The following GMDS variants were observed in gnomAD, a reference collection of about 807,000 sequenced individuals.
GMDS encodes the protein GDP-mannose 4,6 dehydratase.
GMDS carries 20 observed loss-of-function variants against 49.9 expected under a neutral mutation model. The ratio of observed to expected loss-of-function variants is 0.40; its 90% CI spans 0.28 to 0.58. The LOEUF (loss-of-function observed/expected upper bound fraction) is 0.58, where lower values mean the gene tolerates loss of function less well. Among genes scored for constraint, GMDS ranks in the 20% least tolerant of loss-of-function variants. The pLI is 0.42. For synonymous variants in GMDS, 177 were observed against 178.6 expected (o/e 0.99, Z 0.07); for missense variants, 362 against 481.4 (o/e 0.75, Z 2.32).
At chr6:1,854,342 A>T (rs961646683) in intron 7 of GMDS, among the ~76,000 whole-genome samples, 3 of 152,208 alleles carry the variant, frequency 2.0e-5, no homozygotes, top group African/African-American at 7.2e-5. Context: ...ACCAAATTGG[A>T]ATTTCAGACT....
chr6:1,984,518 G>C (rs1765426101), intron 4 of GMDS, among the ~76,000 whole-genome samples: 1 of 151,220 alleles, frequency 6.6e-6, no homozygotes, highest in African/African-American at 2.4e-5. Flanking sequence ...TGAATATCCA[G>C]GCCAGTACAC....
intron 9 of GMDS, 97 bp from the exon 10 acceptor site, chr6:1,624,637 G>T: frequency 1.2e-6 from 1 of 801,108 alleles, no homozygotes; most frequent in Non-Finnish European, 2.1e-6. Context: ...CGCTCCCTCT[G>T]GGCGCACAAG....
At chr6:2,241,121 T>C (rs1781596296) in intron 1 of GMDS, among the ~76,000 whole-genome samples, 1 of 152,166 alleles carries the variant, frequency 6.6e-6, no homozygotes, top group Non-Finnish European at 1.5e-5. Flanking sequence ...GACAGCATGG[T>C]TTGGGGAGAC....
chr6:1,871,531 G>A (rs1040818306), intron 7 of GMDS, among the ~76,000 whole-genome samples: 2 of 152,108 alleles, frequency 1.3e-5, no homozygotes, highest in African/African-American at 4.8e-5. Flanking sequence ...GCAACCTTTG[G>A]TAAACTGGAA....
chr6:1,819,314 A>G (rs766572670), intron 7 of GMDS, among the ~76,000 whole-genome samples: 10 of 152,210 alleles, frequency 6.6e-5, no homozygotes, highest in Admixed American at 1.3e-4. Flanking sequence ...ATACCCTGCA[A>G]TTACTAAGTG....
chr6:1,637,195 G>A (rs2113169919), intron 9 of GMDS, among the ~76,000 whole-genome samples: 1 of 152,352 alleles, frequency 6.6e-6, no homozygotes, highest in Admixed American at 6.5e-5. Flanking sequence ...TGACTCAGCA[G>A]ATTGTCAGGT....
At chr6:1,862,020 C>T (rs1758212641) in intron 7 of GMDS, among the ~76,000 whole-genome samples, 1 of 152,148 alleles carries the variant, frequency 6.6e-6, no homozygotes, top group Non-Finnish European at 1.5e-5. Context: ...AAAAGCTTCA[C>T]AGAGAACATT....
At chr6:2,155,527 C>A (rs1181260134) in intron 1 of GMDS, among the ~76,000 whole-genome samples, 1 of 152,132 alleles carries the variant, frequency 6.6e-6, no homozygotes, top group East Asian at 1.9e-4. Flanking sequence ...TACTTCCTTA[C>A]CACCAATATA....
At position 1,623,889 on chromosome 6, in the gene GMDS, T is replaced by G; in HGVS notation, c.*280A>C. The G allele has an allele frequency of 2.2e-6, 1 of 449,696 alleles. No homozygotes were observed. Among genetic ancestry groups the G allele is most frequent in the South Asian group, 4.8e-5 (1 of 20,814 alleles). 27.9% of individuals were successfully genotyped at this position (449,696 alleles called of 1,614,324 possible). On this transcript the variant is annotated 3_prime_UTR_variant, in exon 11 of 11. Coordinates refer to ENST00000380815, the MANE Select transcript of GMDS (RefSeq NM_001500.4). ...CACAATTTGTTGTGTAACAACATAA[T>G]TTCAAGTAAAGTGAATGTGATTAAA...
At chr6:2,230,378 G>C (rs1781031712) in intron 1 of GMDS, among the ~76,000 whole-genome samples, 1 of 152,188 alleles carries the variant, frequency 6.6e-6, no homozygotes, top group Non-Finnish European at 1.5e-5. Context: ...AAAGACCTAA[G>C]CAGTAATCTC....
intron 7 of GMDS, among the ~76,000 whole-genome samples, chr6:1,809,897 A>C (rs1770342603): frequency 6.6e-6 from 1 of 152,150 alleles, no homozygotes; most frequent in Non-Finnish European, 1.5e-5. Flanking sequence ...TTTGAAATAT[A>C]TTTTATATTT....
intron 9 of GMDS, among the ~76,000 whole-genome samples, chr6:1,638,382 G>A (rs1220841781): frequency 2.0e-5 from 3 of 152,180 alleles, no homozygotes; most frequent in Non-Finnish European, 4.4e-5. Context: ...GTTAATTAAC[G>A]TAGCTTTCTC....
chr6:1,636,253 T>C (rs1390921643), intron 9 of GMDS, among the ~76,000 whole-genome samples: 1 of 152,066 alleles, frequency 6.6e-6, no homozygotes, highest in Non-Finnish European at 1.5e-5. Flanking sequence ...GAGTGTGGGA[T>C]AGTTCTAGAA....
At chr6:2,210,902 T>C (rs1326753643) in intron 1 of GMDS, among the ~76,000 whole-genome samples, 6 of 152,154 alleles carry the variant, frequency 3.9e-5, no homozygotes. Context: ...GGGGCGGATG[T>C]CCCCCTTTCT....
At chr6:2,065,021 C>T (rs1771459508) in intron 4 of GMDS, among the ~76,000 whole-genome samples, 1 of 152,176 alleles carries the variant, frequency 6.6e-6, no homozygotes, top group Non-Finnish European at 1.5e-5. Context: ...TTAAATGTTA[C>T]TGTCTGACAG....
intron 4 of GMDS, among the ~76,000 whole-genome samples, chr6:2,079,487 T>C (rs952895824): frequency 1.2e-4 from 18 of 152,268 alleles, no homozygotes; most frequent in African/African-American, 3.8e-4. Context: ...TGATGGTAAA[T>C]GTAGTCATTT....
intron 7 of GMDS, among the ~76,000 whole-genome samples, chr6:1,745,940 C>T (rs1767476371): frequency 6.6e-6 from 1 of 152,154 alleles, no homozygotes; most frequent in Admixed American, 6.5e-5. Flanking sequence ...CTGAGTGCAT[C>T]CCGTCGTAAT....
chr6:1,806,356 G>T (rs987068507), intron 7 of GMDS, among the ~76,000 whole-genome samples: 1 of 151,964 alleles, frequency 6.6e-6, no homozygotes, highest in Non-Finnish European at 1.5e-5. Context: ...GGTTTATGCT[G>T]TCAATGTAAT....
chr6:2,057,100 A>C (rs1039590793), intron 4 of GMDS, among the ~76,000 whole-genome samples: 1 of 152,172 alleles, frequency 6.6e-6, no homozygotes, highest in African/African-American at 2.4e-5. Context: ...TCAAACTACC[A>C]CCTCGGTGAC....
Sources: gnomAD v4.1 joint callset for allele counts (sites outside exome capture counted in the v4.1 genomes callset) on GRCh38, gnomAD v4.1.1 for gene constraint, MANE v1.5 for transcripts, NCBI Gene and HGNC (gene_info 2026-07-23, HGNC 2026-07-21) for gene names.